The following SLCO3A1 variants were observed in gnomAD, a reference collection of about 807,000 sequenced individuals.
The protein encoded by SLCO3A1 is PGE1 transporter.
SLCO3A1 carries 27 observed loss-of-function variants against 63.1 expected under a neutral mutation model. The observed-to-expected ratio is 0.43, with a 90% CI of 0.32 to 0.59. The LOEUF (loss-of-function observed/expected upper bound fraction) is 0.59. Among genes scored for constraint, SLCO3A1 ranks in the 20% least tolerant of loss-of-function variants. SLCO3A1 has a pLI of 0.09. For missense variants in SLCO3A1, 773 were observed against 945.8 expected (o/e 0.82, Z 2.40); for synonymous variants, 473 against 409.9 (o/e 1.15, Z -1.86).
chr15:92,126,702 G>T (rs1027492954), intron 6 of SLCO3A1, among the ~76,000 whole-genome samples: 10 of 152,184 alleles, frequency 6.6e-5, no homozygotes, highest in Admixed American at 6.5e-5. Context: ...GTGTAGCGAG[G>T]GAAAGGGGGA....
chr15:91,880,115 G>GTCCA (rs1567168584), intron 1 of SLCO3A1, among the ~76,000 whole-genome samples: 6 of 115,776 alleles, frequency 5.2e-5, no homozygotes, highest in South Asian at 2.7e-4. Context: ...CCGTCCGTCC[G>GTCCA]TCCGTCCGTC....
At chr15:91,980,124 G>T (rs1366769847) in intron 2 of SLCO3A1, among the ~76,000 whole-genome samples, 1 of 152,124 alleles carries the variant, frequency 6.6e-6, no homozygotes, top group East Asian at 1.9e-4. Flanking sequence ...CTTCCTGACT[G>T]CATTGTTAAC....
chr15:92,054,062 C>T (rs12900191), intron 2 of SLCO3A1, among the ~76,000 whole-genome samples: 22,491 of 152,120 alleles, frequency 0.15, 1,865 homozygotes, highest in East Asian at 0.25. Context: ...TCAGTATAGA[C>T]GCATGGAAAT....
downstream of SLCO3A1, among the ~76,000 whole-genome samples, chr15:92,169,139 C>A (rs2048508289): frequency 6.6e-6 from 1 of 152,172 alleles, no homozygotes; most frequent in Non-Finnish European, 1.5e-5. Flanking sequence ...TGTATTAGCT[C>A]ATGTAATCTC....
intron 1 of SLCO3A1, among the ~76,000 whole-genome samples, chr15:91,909,237 C>T (rs1898408152): frequency 6.6e-6 from 1 of 152,162 alleles, no homozygotes; most frequent in African/African-American, 2.4e-5. Flanking sequence ...TTATAGAGAT[C>T]AGGGGTTTGG....
intron 2 of SLCO3A1, among the ~76,000 whole-genome samples, chr15:92,083,766 T>C (rs544076190): frequency 7.2e-5 from 11 of 152,320 alleles, no homozygotes; most frequent in African/African-American, 2.6e-4. Context: ...GTCATCTTTG[T>C]AATAATGATT....
In SLCO3A1 at chr15:91,862,555, T is replaced by A. The variant is rs1356404887; in HGVS notation, c.180+8467T>A. On this transcript the variant is annotated intron_variant, in intron 1 of 9. Transcript: ENST00000318445. The surrounding 1 kb of genome is among the most constrained non-coding windows in gnomAD (Gnocchi z 4.0). ...TTGGGACAACTTTTGGGTGTCTGGATAATGAACCTGTTCAGATAGGCCTTG... is the reference window on the plus strand; with the variant it reads ...TTGGGACAACTTTTGGGTGTCTGGAAAATGAACCTGTTCAGATAGGCCTTG... 6.6e-6 allele frequency among the ~76,000 whole-genome samples: 1 copy of A among 152,218 alleles called. No individual in the cohort carries two copies. Among genetic ancestry groups the A allele is most frequent in the Non-Finnish European group, 1.5e-5 (1 of 68,038 alleles).
intron 2 of SLCO3A1, among the ~76,000 whole-genome samples, chr15:91,974,700 C>G (rs1403356400): frequency 2.6e-5 from 4 of 152,106 alleles, no homozygotes; most frequent in Non-Finnish European, 5.9e-5. Flanking sequence ...ACTGTGGCTT[C>G]TAGGGAAAAT....
intron 2 of SLCO3A1, among the ~76,000 whole-genome samples, chr15:92,066,110 C>G (rs1597277810): frequency 6.6e-6 from 1 of 152,330 alleles, no homozygotes; most frequent in Non-Finnish European, 1.5e-5. Context: ...CAGTGGAGGG[C>G]AGGATTTCTT....
intron 3 of SLCO3A1, among the ~76,000 whole-genome samples, chr15:92,101,693 C>T (rs1021435237): frequency 3.9e-5 from 6 of 152,012 alleles, no homozygotes; most frequent in Admixed American, 1.3e-4. Flanking sequence ...CACAGTGCTC[C>T]GGATAATTGA....
At chr15:92,149,597 A>G (rs1251648345) in intron 8 of SLCO3A1, 1 of 152,190 alleles carries the variant, frequency 6.6e-6, no homozygotes, top group African/African-American at 2.4e-5. Flanking sequence ...CCCAGCTAGT[A>G]CCTTTAGAAC....
At chr15:92,014,429 G>A (rs1399955080) in intron 2 of SLCO3A1, among the ~76,000 whole-genome samples, 2 of 152,066 alleles carry the variant, frequency 1.3e-5, no homozygotes, top group Admixed American at 6.5e-5. Flanking sequence ...TTCTAGGCCC[G>A]TATTTTCAAT....
chr15:91,922,476 G>C (rs1597123334), intron 2 of SLCO3A1, among the ~76,000 whole-genome samples: 1 of 152,214 alleles, frequency 6.6e-6, no homozygotes, highest in African/African-American at 2.4e-5. Context: ...CATCTGCCAA[G>C]TGTTTGATTA....
chr15:91,983,040 A>C (rs1040104265), intron 2 of SLCO3A1, among the ~76,000 whole-genome samples: 1 of 152,188 alleles, frequency 6.6e-6, no homozygotes, highest in Non-Finnish European at 1.5e-5. Flanking sequence ...AAAGTGGATG[A>C]TCCTCTCCAG....
chr15:91,965,241 C>T (rs1336162136), intron 2 of SLCO3A1, among the ~76,000 whole-genome samples: 4 of 152,210 alleles, frequency 2.6e-5, no homozygotes, highest in African/African-American at 9.7e-5. Context: ...CCACCACCAG[C>T]ATCCCAGTGC....
intron 2 of SLCO3A1, among the ~76,000 whole-genome samples, chr15:92,024,417 C>T (rs1277955020): frequency 6.6e-6 from 1 of 152,210 alleles, no homozygotes; most frequent in Non-Finnish European, 1.5e-5. Context: ...ACATACTGTG[C>T]TGTCTAACTT....
chr15:92,013,428 T>C (rs1170575098), intron 2 of SLCO3A1, among the ~76,000 whole-genome samples: 13 of 152,168 alleles, frequency 8.5e-5, no homozygotes, highest in East Asian at 5.8e-4. Context: ...TGATCTGACC[T>C]CAACCCTACC....
chr15:92,157,236 G>C (rs1190143517), intron 9 of SLCO3A1: 1 of 152,162 alleles, frequency 6.6e-6, no homozygotes, highest in African/African-American at 2.4e-5. Flanking sequence ...TTCCTGCCCA[G>C]AGGACCTAGG....
chr15:92,158,435 T>C (rs1456770099), intron 9 of SLCO3A1, among the ~76,000 whole-genome samples: 2 of 152,218 alleles, frequency 1.3e-5, no homozygotes, highest in African/African-American at 4.8e-5. Flanking sequence ...AATCTCACTC[T>C]CAGTTTATTT....
Sources: gnomAD v4.1 joint callset for allele counts (sites outside exome capture counted in the v4.1 genomes callset) on GRCh38, gnomAD v4.1.1 for gene constraint, Gnocchi (gnomAD v3.1) non-coding constraint, MANE v1.5 for transcripts, NCBI Gene and HGNC (gene_info 2026-07-23, HGNC 2026-07-21) for gene names.